Variants in JARID2 observed in about 807,000 individuals in gnomAD.
JARID2 encodes jumonji and AT-rich interaction domain containing 2, also known as protein Jumonji.
Under a neutral mutation model 125.6 loss-of-function variants are expected in JARID2, and 21 were observed. The observed-to-expected ratio is 0.17, with a 90% CI of 0.12 to 0.24. The LOEUF (loss-of-function observed/expected upper bound fraction) is 0.24, where lower values mean the gene tolerates loss of function less well. Ranked by LOEUF, JARID2 falls within the 10% of genes least tolerant of loss-of-function variation. The pLI is 1.00. For synonymous variants in JARID2, 736 were observed against 661.6 expected, an observed-to-expected ratio of 1.11 and a Z score of -1.73; for missense variants, 1,303 against 1,639.6, an observed-to-expected ratio of 0.79 and a Z score of 3.55.
At chr6:15,400,808 C>T (rs973814257) in intron 2 of JARID2, 10 of 1,246,602 alleles carry the variant, frequency 8.0e-6, no homozygotes, top group Middle Eastern at 3.5e-4. Context: ...TATTGCCGCG[C>T]GGAATCTGCA....
In JARID2 at chr6:15,403,144, C is replaced by G. The variant is rs554457411; in HGVS notation, c.182-7080C>G. On this transcript the variant is annotated intron_variant, in intron 2 of 17. Transcript: ENST00000341776. ...TAACAGGGAGTTGTGCCAAAATGAG[C>G]AGTACATTTATGTTCACAGTGGTGA... is the stretch of plus-strand genomic sequence containing the variant. Among the ~76,000 whole-genome samples the G allele has an allele frequency of 9.9e-5, 15 of 152,242 alleles. No individual in the cohort carries two copies. In the South Asian group the frequency reaches 2.7e-3, roughly 27 times the overall value.
At chr6:15,307,713 C>G (rs1761883705) in intron 1 of JARID2, among the ~76,000 whole-genome samples, 1 of 152,088 alleles carries the variant, frequency 6.6e-6, no homozygotes, top group African/African-American at 2.4e-5. Context: ...TTGTATGTTT[C>G]TGTACTTCAG....
chr6:15,400,687 C>A, intron 2 of JARID2: 1 of 463,598 alleles, frequency 2.2e-6, no homozygotes, highest in Non-Finnish European at 2.8e-6. Context: ...GTGGGGGGAG[C>A]CAGCCGGAGA....
At chr6:15,285,942 A>T (rs1300433239) in intron 1 of JARID2, among the ~76,000 whole-genome samples, 1 of 152,252 alleles carries the variant, frequency 6.6e-6, no homozygotes, top group Non-Finnish European at 1.5e-5. Flanking sequence ...GGTTGACTCA[A>T]CAACCTGCAA....
intron 3 of JARID2, among the ~76,000 whole-genome samples, chr6:15,413,082 C>T (rs895040407): frequency 7.2e-5 from 9 of 125,826 alleles, no homozygotes; most frequent in African/African-American, 2.4e-4. Flanking sequence ...TGCAATGGTG[C>T]GATCTCGGCT....
At chr6:15,322,331 A>G (rs1762387464) in intron 1 of JARID2, among the ~76,000 whole-genome samples, 1 of 152,002 alleles carries the variant, frequency 6.6e-6, no homozygotes, top group South Asian at 2.1e-4. Flanking sequence ...ATGGTGACAC[A>G]CTCCTGTAGT....
chr6:15,465,805 TG>T (rs1561881474), intron 4 of JARID2, among the ~76,000 whole-genome samples: 148 of 150,576 alleles, frequency 9.8e-4, no homozygotes, highest in African/African-American at 3.3e-3. Flanking sequence ...TTTGTTTGTT[TG>T]TTTGTTTGTT....
intron 1 of JARID2, among the ~76,000 whole-genome samples, chr6:15,361,119 T>A (rs930717521): frequency 6.6e-6 from 1 of 152,230 alleles, no homozygotes; most frequent in Non-Finnish European, 1.5e-5. Context: ...TTTACTGAGT[T>A]GAAAACCTTT....
intron 1 of JARID2, among the ~76,000 whole-genome samples, chr6:15,283,083 A>T (rs1002365792): frequency 6.6e-6 from 1 of 151,186 alleles, no homozygotes; most frequent in African/African-American, 2.4e-5. Context: ...GGTTCTTGCC[A>T]TTCTCCTGCC....
rs149654840 is a variant in JARID2, at chr6:15,521,171, C to T, written c.*920C>T. 406 of 157,622 alleles carry T rather than the reference C, an allele frequency of 2.6e-3. 3 individuals carry two copies. Among genetic ancestry groups the T allele is most frequent in the African/African-American group, 8.8e-3 (364 of 41,442 alleles). 9.8% of individuals were successfully genotyped at this position (157,622 alleles called of 1,614,324 possible). On this transcript the variant is annotated 3_prime_UTR_variant, in exon 18 of 18. Coordinates refer to ENST00000341776, the MANE Select transcript of JARID2 (RefSeq NM_004973.4). ...TTCTAACATTCCATCTCCATCTCAC[C>T]GCTTCTTGTTTGACACCTTCACAAG...
intron 3 of JARID2, among the ~76,000 whole-genome samples, chr6:15,441,823 C>T (rs1767458103): frequency 6.6e-6 from 1 of 151,802 alleles, no homozygotes; most frequent in African/African-American, 2.4e-5. Flanking sequence ...TGGAGTTTTG[C>T]TCTTGTTGCC....
At position 15,501,338 on chromosome 6, in the gene JARID2, GA is replaced by G; in HGVS notation, c.2382del (p.Glu795LysfsTer28). 6.2e-7 allele frequency: 1 copy of G among 1,602,308 alleles called. No individual in the cohort carries two copies. Among genetic ancestry groups the G allele is most frequent in the Non-Finnish European group, 8.5e-7 (1 of 1,174,080 alleles). ...TGGCCGGCGGCGACTCTTCGCTCAG[GA>G]AAAAGAAGTGGTCAAGGAAGAGGAG... ...KTGRRRLFAQ[E>X]KEVVKEEEED... On this transcript the variant is annotated frameshift_variant, in exon 8 of 18. Transcript: ENST00000341776. LOFTEE classifies it high-confidence loss of function.
chr6:15,466,236 C>T lies in JARID2; in HGVS notation c.494-2306C>T, dbSNP rs187828899. 3.9e-5 allele frequency among the ~76,000 whole-genome samples: 6 copies of T among 152,246 alleles called. No homozygotes were observed. The East Asian group carries it at 9.6e-4, about 24-fold the overall frequency. On this transcript the variant is annotated intron_variant, in intron 4 of 17. Coordinates refer to ENST00000341776, the MANE Select transcript of JARID2 (RefSeq NM_004973.4). ...GAAATACATGCCTGTAACAGCTTTC[C>T]CTCCTGCTTCTCCTGTTTCCTTCTG...
chr6:15,489,815 GGGCATCCT>G (rs1770061147), intron 6 of JARID2, among the ~76,000 whole-genome samples: 2 of 152,328 alleles, frequency 1.3e-5, no homozygotes, highest in Admixed American at 1.3e-4. Context: ...TGCTCATGCA[GGGCATCCT>G]GCAGGTGTTG....
chr6:15,281,438 A>G (rs560389479), intron 1 of JARID2, among the ~76,000 whole-genome samples: 2 of 152,324 alleles, frequency 1.3e-5, no homozygotes, highest in African/African-American at 4.8e-5. Flanking sequence ...TCAGAGCAAA[A>G]TCTGAAGTCC....
chr6:15,278,692 G>T (rs1346694658), intron 1 of JARID2, among the ~76,000 whole-genome samples: 1 of 152,198 alleles, frequency 6.6e-6, no homozygotes, highest in Non-Finnish European at 1.5e-5. Flanking sequence ...GGTCTGGGGG[G>T]ACATGCTCCC....
At chr6:15,298,192 A>G (rs1385246807) in intron 1 of JARID2, among the ~76,000 whole-genome samples, 2 of 152,326 alleles carry the variant, frequency 1.3e-5, no homozygotes, top group African/African-American at 4.8e-5. Flanking sequence ...ATTTCTTTTT[A>G]TTTGATTAAT....
chr6:15,404,081 G>A (rs1765549169), intron 2 of JARID2, among the ~76,000 whole-genome samples: 1 of 152,152 alleles, frequency 6.6e-6, no homozygotes, highest in Non-Finnish European at 1.5e-5. Context: ...GTGCCTCGTT[G>A]ACCACAAGTG....
chr6:15,378,504 G>A (rs1238621380), intron 2 of JARID2, among the ~76,000 whole-genome samples: 1 of 152,056 alleles, frequency 6.6e-6, no homozygotes, highest in Non-Finnish European at 1.5e-5. Context: ...GAGACTCTCA[G>A]AGATCTGTAA....
Sources: allele counts gnomAD v4.1 joint callset (sites outside exome capture counted in the v4.1 genomes callset), GRCh38; gene constraint gnomAD v4.1.1; transcripts MANE v1.5; gene names NCBI Gene and HGNC (gene_info 2026-07-23, HGNC 2026-07-21).